The following OLA1 variants were observed in gnomAD, a reference collection of about 807,000 sequenced individuals.
OLA1 encodes Obg like ATPase 1, also known as obg-like ATPase 1.
In OLA1, 14 loss-of-function variants were observed where a neutral mutation model predicts 48.4. The ratio of observed to expected loss-of-function variants is 0.29; its 90% confidence interval spans 0.19 to 0.45. The LOEUF is 0.45. Among genes scored for constraint, OLA1 ranks in the 20% least tolerant of loss-of-function variants. The pLI, the probability that OLA1 is intolerant of heterozygous loss-of-function variation, is 1.00. For missense variants in OLA1, 325 were observed against 467.1 expected (o/e 0.70, Z 2.80); for synonymous variants, 127 against 150.4 (o/e 0.84, Z 1.14).
chr2:174,087,024 T>C (rs1258372699), intron 7 of OLA1, among the ~76,000 whole-genome samples: 1 of 150,322 alleles, frequency 6.7e-6, no homozygotes, highest in Non-Finnish European at 1.5e-5. Flanking sequence ...ATATTCTTTC[T>C]TTTTTTCTTT....
chr2:174,176,106 C>G (rs1038078066), intron 4 of OLA1, among the ~76,000 whole-genome samples: 1 of 151,976 alleles, frequency 6.6e-6, no homozygotes, highest in African/African-American at 2.4e-5. Context: ...TTGACTGTGA[C>G]AGTAGATCTA....
chr2:174,244,629 AT>A (rs982039482), intron 2 of OLA1, among the ~76,000 whole-genome samples: 29 of 149,804 alleles, frequency 1.9e-4, no homozygotes, highest in African/African-American at 4.9e-4. Context: ...TTAAAAAAAA[AT>A]TTTTTTTTTT....
At chr2:174,187,967 T>A (rs1687691250) in intron 4 of OLA1, among the ~76,000 whole-genome samples, 1 of 152,190 alleles carries the variant, frequency 6.6e-6, no homozygotes, top group Admixed American at 6.5e-5. Context: ...GACCTCCTTA[T>A]ATATGCAAAA....
At chr2:174,158,245 AC>A (rs1222716837) in intron 4 of OLA1, among the ~76,000 whole-genome samples, 1 of 152,150 alleles carries the variant, frequency 6.6e-6, no homozygotes, top group African/African-American at 2.4e-5. Flanking sequence ...ACCTTGTGAC[AC>A]CCCTTATTCC....
intron 7 of OLA1, among the ~76,000 whole-genome samples, chr2:174,107,194 G>T (rs1685533005): frequency 6.6e-6 from 1 of 152,104 alleles, no homozygotes; most frequent in African/African-American, 2.4e-5. Flanking sequence ...TCACTTTTCT[G>T]CATTAACAAT....
chr2:174,141,971 C>A lies in OLA1; in HGVS notation c.403G>T (p.Val135Phe). 6.2e-7 allele frequency: 1 copy of A among 1,613,168 alleles called. No homozygotes were observed. Among genetic ancestry groups the A allele is most frequent in the Non-Finnish European group, 8.5e-7 (1 of 1,179,724 alleles). ...CGAATAGGATCTACACTTCCTTCAACGTGCGTGATATCATCATCTTCAAAA... is the reference window on the plus strand; with the variant it reads ...CGAATAGGATCTACACTTCCTTCAAAGTGCGTGATATCATCATCTTCAAAA... ...RAFEDDDITH[V>F]EGSVDPIRDI... The change falls in exon 5 of 11, where the codon GTT (valine) becomes TTT (phenylalanine). Residue 135 changes from valine (V) to phenylalanine (F), a missense_variant. Val to Phe is a conservative substitution (Grantham distance 50). Transcript: ENST00000284719.
At chr2:174,110,500 A>G (rs774795119) in intron 7 of OLA1, among the ~76,000 whole-genome samples, 4 of 151,762 alleles carry the variant, frequency 2.6e-5, no homozygotes, top group African/African-American at 4.8e-5. Context: ...GCTGGAGTAC[A>G]CTGGCACAAT....
rs371649021 is a variant in OLA1 at position 174,113,019 on chromosome 2, C to A, written c.728+10161G>T. Among the ~76,000 whole-genome samples, 9 of 152,302 alleles carry A rather than the reference C, an allele frequency of 5.9e-5. No individual in the cohort carries two copies. The East Asian group carries it at 1.7e-3, about 29-fold the overall frequency. ...GCAATGGCATGATCTTGACTCACTG[C>A]AACCTCCATCTCCCAGGCTCAAGCG... On this transcript the variant is annotated intron_variant, in intron 7 of 10. Transcript: ENST00000284719.
intron 4 of OLA1, among the ~76,000 whole-genome samples, chr2:174,196,980 T>C (rs1310076542): frequency 1.3e-5 from 2 of 152,236 alleles, no homozygotes; most frequent in African/African-American, 4.8e-5. Flanking sequence ...GTTGCCAGTG[T>C]ATTCTATAGG....
intron 4 of OLA1, among the ~76,000 whole-genome samples, chr2:174,204,963 T>C (rs1375684981): frequency 6.6e-6 from 1 of 152,136 alleles, no homozygotes; most frequent in Non-Finnish European, 1.5e-5. Flanking sequence ...CTAACATCAA[T>C]AAATTCCCTT....
At chr2:174,247,927 GA>G in intron 1 of OLA1, 1 of 937,952 alleles carries the variant, frequency 1.1e-6, no homozygotes, top group East Asian at 2.7e-5. Context: ...TCACGTCTCA[GA>G]AGCTGGGAAC....
intron 4 of OLA1, among the ~76,000 whole-genome samples, chr2:174,192,003 C>T (rs1164199503): frequency 6.6e-6 from 1 of 152,106 alleles, no homozygotes; most frequent in East Asian, 1.9e-4. Flanking sequence ...CTAAAATCTA[C>T]CATCTTGCTA....
chr2:174,173,410 T>A (rs1268944975), intron 4 of OLA1, among the ~76,000 whole-genome samples: 1 of 152,256 alleles, frequency 6.6e-6, no homozygotes, highest in Non-Finnish European at 1.5e-5. Context: ...TACCTAAATA[T>A]GTTTCTTTCT....
At chr2:174,076,928 T>C (rs1415764925) in intron 10 of OLA1, among the ~76,000 whole-genome samples, 2 of 152,080 alleles carry the variant, frequency 1.3e-5, no homozygotes, top group African/African-American at 2.4e-5. Context: ...TAAAACTATA[T>C]AGACAATATA....
chr2:174,135,850 A>G lies in OLA1; in HGVS notation c.549+5975T>C, dbSNP rs568416350. Among the ~76,000 whole-genome samples, 25 of 152,344 alleles carry G rather than the reference A, an allele frequency of 1.6e-4. No individual in the cohort carries two copies. In the South Asian group the frequency reaches 4.1e-3, roughly 25 times the overall value. ...GAGATACTGCAGGTTTAGTTCCAAT[A>G]AAGTGAGTATCGCTATAAAGCAAGT... On this transcript the variant is annotated intron_variant, in intron 5 of 10. Coordinates refer to ENST00000284719, the MANE Select transcript of OLA1 (RefSeq NM_013341.5).
intron 4 of OLA1, among the ~76,000 whole-genome samples, chr2:174,158,383 G>A (rs1454009167): frequency 1.3e-5 from 2 of 151,832 alleles, no homozygotes; most frequent in Non-Finnish European, 2.9e-5. Flanking sequence ...GGTGGTTATT[G>A]TATTATATTC....
At chr2:174,241,707 T>C (rs4972645) in intron 2 of OLA1, among the ~76,000 whole-genome samples, 143,925 of 152,328 alleles carry the variant, frequency 0.94, 68,547 homozygotes, top group East Asian at 1. Context: ...ACAATCTTGG[T>C]TCACTGCAAC....
chr2:174,118,947 A>G (rs1685846307), intron 7 of OLA1, among the ~76,000 whole-genome samples: 1 of 152,124 alleles, frequency 6.6e-6, no homozygotes. Context: ...AGAAACCAGA[A>G]GTGCACTACT....
chr2:174,142,291 T>C (rs1314754026), intron 4 of OLA1, among the ~76,000 whole-genome samples: 1 of 152,172 alleles, frequency 6.6e-6, no homozygotes, highest in Non-Finnish European at 1.5e-5. Flanking sequence ...CCAAGTTTGG[T>C]AAATTAAAAG....
Sources: gnomAD v4.1 joint callset for allele counts (sites outside exome capture counted in the v4.1 genomes callset) on GRCh38, gnomAD v4.1.1 for gene constraint, MANE v1.5 for transcripts, NCBI Gene and HGNC (gene_info 2026-07-23, HGNC 2026-07-21) for gene names.